Variants in TXNRD1 observed in about 807,000 individuals in gnomAD.
The protein encoded by TXNRD1 is thioredoxin reductase 1, cytoplasmic.
Under a neutral mutation model 80.3 loss-of-function variants are expected in TXNRD1, and 57 were observed. The ratio of observed to expected loss-of-function variants is 0.71; its 90% confidence interval spans 0.57 to 0.89. The LOEUF is 0.89. TXNRD1 is among the 40% of genes least tolerant of loss of function. The pLI, the probability that TXNRD1 is intolerant of heterozygous loss-of-function variation, is 0.00. For synonymous variants in TXNRD1, 291 were observed against 285.2 expected (o/e 1.02, Z -0.20); for missense variants, 730 against 803.0 (o/e 0.91, Z 1.10).
At chr12:104,292,670 C>T (rs1367371804) in intron 4 of TXNRD1, among the ~76,000 whole-genome samples, 2 of 152,116 alleles carry the variant, frequency 1.3e-5, no homozygotes, top group East Asian at 1.9e-4. Flanking sequence ...GCTGGGATTA[C>T]AGTGTGAGCC....
chr12:104,217,207 T>A (rs993129631), intron 1 of TXNRD1, among the ~76,000 whole-genome samples: 1 of 152,048 alleles, frequency 6.6e-6, no homozygotes, highest in African/African-American at 2.4e-5. Context: ...TCATGTGCCA[T>A]CCTCAGGATC....
intron 3 of TXNRD1, among the ~76,000 whole-genome samples, chr12:104,272,790 TA>T (rs34460613): frequency 2.0e-3 from 265 of 129,604 alleles, no homozygotes; most frequent in Admixed American, 2.5e-3. Context: ...AGACTCCACC[TA>T]AAAAAAAAAA....
At chr12:104,321,337 G>T (rs1452316844) in intron 10 of TXNRD1, 21 bp downstream of exon 10, 1 of 1,596,154 alleles carries the variant, frequency 6.3e-7, no homozygotes, top group Non-Finnish European at 8.6e-7. Flanking sequence ...TTGCCTGTAG[G>T]TTTCTTGATT....
intron 3 of TXNRD1, chr12:104,282,831 C>T (rs530562597): frequency 2.0e-5 from 3 of 152,446 alleles, no homozygotes; most frequent in Admixed American, 2.0e-4. Flanking sequence ...GTAGCTAGGA[C>T]TACAGGCAGG....
chr12:104,242,317 A>G (rs1189718964), intron 1 of TXNRD1, among the ~76,000 whole-genome samples: 6 of 150,976 alleles, frequency 4.0e-5, no homozygotes, highest in African/African-American at 1.5e-4. Flanking sequence ...TGGGAGGCCA[A>G]GGCGGGTGGA....
chr12:104,315,971 A>G, intron 7 of TXNRD1, 75 bp downstream of exon 7: 4 of 1,496,510 alleles, frequency 2.7e-6, no homozygotes, highest in East Asian at 2.5e-5. Flanking sequence ...TGCGTCGTCC[A>G]TTTTCATGAA....
At chr12:104,285,855 C>A (rs184401992) in intron 3 of TXNRD1, 1 of 152,246 alleles carries the variant, frequency 6.6e-6, no homozygotes, top group Admixed American at 6.5e-5. Context: ...CCTCAACACC[C>A]ACGTACTAGA....
intron 3 of TXNRD1, among the ~76,000 whole-genome samples, chr12:104,261,700 A>G (rs1398075717): frequency 6.6e-6 from 1 of 152,156 alleles, no homozygotes; most frequent in Admixed American, 6.5e-5. Context: ...GTTTTTTATT[A>G]GGACCAATGC....
intron 4 of TXNRD1, among the ~76,000 whole-genome samples, chr12:104,308,413 G>A (rs1367997920): frequency 6.6e-6 from 1 of 152,056 alleles, no homozygotes; most frequent in Non-Finnish European, 1.5e-5. Flanking sequence ...TTTGTTGTCA[G>A]ACATTAAAGA....
At chr12:104,224,707 C>A in intron 1 of TXNRD1, 1 of 379,500 alleles carries the variant, frequency 2.6e-6, no homozygotes, top group Non-Finnish European at 5.3e-6. Flanking sequence ...AGTTGAATTT[C>A]CTGTTTGGGA....
intron 4 of TXNRD1, chr12:104,304,033 C>G (rs773711676): frequency 6.2e-7 from 1 of 1,613,246 alleles, no homozygotes; most frequent in Non-Finnish European, 8.5e-7. Context: ...TCACCGCTGA[C>G]GAGGAGAAGT....
chr12:104,248,881 A>G (rs2033051807), intron 1 of TXNRD1, among the ~76,000 whole-genome samples: 1 of 151,790 alleles, frequency 6.6e-6, no homozygotes. Context: ...GCTGGAGTGC[A>G]CGATCTCGGC....
At chr12:104,269,514 C>T (rs1169121676) in intron 3 of TXNRD1, among the ~76,000 whole-genome samples, 1 of 151,462 alleles carries the variant, frequency 6.6e-6, no homozygotes, top group Non-Finnish European at 1.5e-5. Context: ...ATCCTCCTGC[C>T]TCAGCCTCTC....
At chr12:104,340,215 A>T (rs1160474935) in intron 16 of TXNRD1, among the ~76,000 whole-genome samples, 1 of 152,208 alleles carries the variant, frequency 6.6e-6, no homozygotes, top group Non-Finnish European at 1.5e-5. Flanking sequence ...TATTTCTTTC[A>T]TTTATAGAAA....
intron 16 of TXNRD1, 45 bp downstream of exon 16, chr12:104,339,318 C>T: frequency 1.2e-6 from 2 of 1,609,972 alleles, no homozygotes; most frequent in Non-Finnish European, 1.7e-6. Context: ...TAAAATGTGC[C>T]ACATAGAAGC....
intron 13 of TXNRD1, among the ~76,000 whole-genome samples, chr12:104,328,752 C>G (rs2035853227): frequency 9.4e-6 from 1 of 105,926 alleles, no homozygotes; most frequent in African/African-American, 3.8e-5. Flanking sequence ...GAGTGAGACT[C>G]TGCCTCAAAA....
Position 104,338,917 on chromosome 12 carries a change from C to T in TXNRD1, c.1747-222C>T, listed in dbSNP as rs973438932. 5.3e-5 allele frequency among the ~76,000 whole-genome samples: 8 copies of T among 151,968 alleles called. 1 individual carries two copies. Among genetic ancestry groups the T allele is most frequent in the Admixed American group, 3.3e-4 (5 of 15,264 alleles). On this transcript the variant is annotated intron_variant, in intron 15 of 16. Coordinates refer to ENST00000525566, the MANE Select transcript of TXNRD1 (RefSeq NM_001093771.3). Reference sequence around the variant, plus strand: ...ATTTTTAGTAGAGACGGGGTTTCACCGTGTTAACCAGGATGGTCTCGACCT... The same window carrying T: ...ATTTTTAGTAGAGACGGGGTTTCACTGTGTTAACCAGGATGGTCTCGACCT...
intron 1 of TXNRD1, among the ~76,000 whole-genome samples, chr12:104,219,421 A>G (rs2032297060): frequency 6.6e-6 from 1 of 152,200 alleles, no homozygotes; most frequent in African/African-American, 2.4e-5. Flanking sequence ...CCGAGCATCT[A>G]TTATTTATCA....
rs759025387 is a variant in TXNRD1 at position 104,331,588 on chromosome 12, T to C, written c.1597T>C (p.Cys533Arg). The C allele has an allele frequency of 6.2e-7, 1 of 1,612,806 alleles. No homozygotes were observed. Among genetic ancestry groups the C allele is most frequent in the Admixed American group, 1.7e-5 (1 of 59,980 alleles). ...TVFTPLEYGA[C>R]GLSEEKAVEK... ...ATTTACTCCTTTGGAATATGGTGCT[T>C]GTGGCCTTTCTGAGGAGAAAGCTGT... is the stretch of plus-strand genomic sequence containing the variant. The change falls in exon 14 of 17, where the codon TGT (cysteine) becomes CGT (arginine). Residue 533 changes from cysteine to arginine, a missense_variant. Coordinates refer to ENST00000525566, the MANE Select transcript of TXNRD1 (RefSeq NM_001093771.3).
Sources: gnomAD v4.1 joint callset for allele counts (sites outside exome capture counted in the v4.1 genomes callset) on GRCh38, gnomAD v4.1.1 for gene constraint, MANE v1.5 for transcripts, NCBI Gene and HGNC (gene_info 2026-07-23, HGNC 2026-07-21) for gene names.